Variants in TTC7B observed in about 807,000 individuals in gnomAD.
The protein encoded by TTC7B is tetratricopeptide repeat domain 7B.
In TTC7B, 28 loss-of-function variants were observed where a neutral mutation model predicts 106.8. The ratio of observed to expected loss-of-function variants is 0.26; its 90% CI spans 0.19 to 0.36. TTC7B has a LOEUF of 0.36. Among genes scored for constraint, TTC7B ranks in the 10% least tolerant of loss-of-function variants. The probability of loss-of-function intolerance (pLI) is 1.00; values close to 1 mark genes in which losing one functional copy is unlikely to be tolerated. For missense variants in TTC7B, 862 were observed against 1,076.4 expected (o/e 0.80, Z 2.79); for synonymous variants, 405 against 430.6 (o/e 0.94, Z 0.74).
chr14:90,710,966 A>C (rs892168627), intron 5 of TTC7B, among the ~76,000 whole-genome samples: 3 of 152,310 alleles, frequency 2.0e-5, no homozygotes, highest in Non-Finnish European at 2.9e-5. Flanking sequence ...AAAAACAACA[A>C]CACCTTGTCA....
At chr14:90,812,042 T>C (rs2140066755) in intron 1 of TTC7B, among the ~76,000 whole-genome samples, 1 of 151,756 alleles carries the variant, frequency 6.6e-6, no homozygotes, top group South Asian at 2.1e-4. Context: ...TTGCCCAGGG[T>C]CACAAGGGGT....
intron 8 of TTC7B, among the ~76,000 whole-genome samples, chr14:90,679,347 C>T (rs369090306): frequency 6.6e-6 from 1 of 152,218 alleles, no homozygotes; most frequent in African/African-American, 2.4e-5. Flanking sequence ...CTTCTCTCCG[C>T]GCATGTACGT....
chr14:90,555,430 T>C (rs996897329), intron 19 of TTC7B, among the ~76,000 whole-genome samples: 24 of 152,160 alleles, frequency 1.6e-4, no homozygotes, highest in African/African-American at 5.6e-4. Context: ...TTGATGGGGA[T>C]GTCTCCCTCT....
intron 1 of TTC7B, among the ~76,000 whole-genome samples, chr14:90,815,885 G>T (rs1215311679): frequency 1.3e-5 from 2 of 151,910 alleles, no homozygotes; most frequent in Non-Finnish European, 2.9e-5. Context: ...GTGGAGCAGC[G>T]GACTCGCTGA....
chr14:90,649,393 A>C (rs966910272), intron 13 of TTC7B, among the ~76,000 whole-genome samples: 1 of 152,164 alleles, frequency 6.6e-6, no homozygotes, highest in Non-Finnish European at 1.5e-5. Context: ...TTCAGCAGCT[A>C]AGCTTCCTGT....
At chr14:90,560,298 G>A (rs1890516852) in intron 19 of TTC7B, among the ~76,000 whole-genome samples, 1 of 152,246 alleles carries the variant, frequency 6.6e-6, no homozygotes, top group African/African-American at 2.4e-5. Flanking sequence ...GTCATTGTGG[G>A]TGGAGCCAGG....
chr14:90,746,958 T>G (rs1485693991), intron 3 of TTC7B, among the ~76,000 whole-genome samples: 1 of 152,228 alleles, frequency 6.6e-6, no homozygotes, highest in Non-Finnish European at 1.5e-5. Context: ...AAGGAAGGAC[T>G]GGCCCTTACC....
In TTC7B at chr14:90,540,341, T is replaced by C. The variant is rs573575062; in HGVS notation, c.*1027A>G. 1.3e-5 allele frequency: 2 copies of C among 152,262 alleles called. No individual in the cohort carries two copies. Among genetic ancestry groups the C allele is most frequent in the South Asian group, 4.1e-4 (2 of 4,820 alleles). 9.4% of individuals were successfully genotyped at this position (152,262 alleles called of 1,614,324 possible). On this transcript the variant is annotated 3_prime_UTR_variant, in exon 20 of 20. Transcript: ENST00000328459. ...TACTCAGGAGGCTGAGGTGGGAGGA[T>C]CACCTGAACCTGGGAAGTCGAGGCT...
chr14:90,680,435 CA>C (rs1372623665), intron 8 of TTC7B, 36 bp downstream of exon 8: 80 of 1,553,760 alleles, frequency 5.1e-5, no homozygotes, highest in Non-Finnish European at 6.8e-5. Flanking sequence ...TCTACAGGGC[CA>C]GGGGAAAGAA....
Position 90,541,275 on chromosome 14 carries a change from G to T in TTC7B, c.*93C>A. The T allele has an allele frequency of 1.6e-6, 2 of 1,228,794 alleles. No individual in the cohort carries two copies. Among genetic ancestry groups the T allele is most frequent in the Non-Finnish European group, 2.2e-6 (2 of 894,314 alleles). The allele number at this position is 1,228,794 out of a possible 1,614,324, so 76.1% of individuals were successfully genotyped here. A position where few individuals can be genotyped will look rare whatever the true frequency, so the allele number is the denominator to read the frequency against. On this transcript the variant is annotated 3_prime_UTR_variant, in exon 20 of 20. Coordinates refer to ENST00000328459, the MANE Select transcript of TTC7B (RefSeq NM_001010854.2). ...GAACACTCGTCCCTGGCCTCAGTGT[G>T]GCAGATTCATCCCCTTGGGGCGATG... is the stretch of plus-strand genomic sequence containing the variant.
intron 1 of TTC7B, among the ~76,000 whole-genome samples, chr14:90,809,784 A>G (rs1344038024): frequency 6.6e-6 from 1 of 152,188 alleles, no homozygotes; most frequent in Non-Finnish European, 1.5e-5. Flanking sequence ...GGCCCTCTAG[A>G]AGCTGACCAT....
chr14:90,595,974 A>T (rs776180328), intron 17 of TTC7B, among the ~76,000 whole-genome samples: 3 of 152,226 alleles, frequency 2.0e-5, no homozygotes, highest in Non-Finnish European at 4.4e-5. Context: ...ACAGAGTTCC[A>T]GGAAGATCTT....
chr14:90,762,659 G>T (rs1890539109), intron 3 of TTC7B, among the ~76,000 whole-genome samples: 1 of 152,168 alleles, frequency 6.6e-6, no homozygotes, highest in Admixed American at 6.5e-5. Flanking sequence ...TATCGGGTTT[G>T]CTCTATAATA....
chr14:90,816,010 C>T (rs750428071), intron 1 of TTC7B, among the ~76,000 whole-genome samples, 165 bp downstream of exon 1: 88 of 151,010 alleles, frequency 5.8e-4, no homozygotes, highest in Admixed American at 2.6e-3. Flanking sequence ...CCGGGGCACC[C>T]GGGCTCCCCC....
intron 3 of TTC7B, among the ~76,000 whole-genome samples, chr14:90,770,131 A>G (rs1169472094): frequency 1.3e-5 from 2 of 152,236 alleles, no homozygotes; most frequent in African/African-American, 4.8e-5. Context: ...CCTGGGCGAC[A>G]GAATGAGACT....
intron 5 of TTC7B, among the ~76,000 whole-genome samples, chr14:90,709,409 C>T (rs1319221406): frequency 6.6e-6 from 1 of 150,460 alleles, no homozygotes; most frequent in Non-Finnish European, 1.5e-5. Context: ...AGCTGGAAAC[C>T]ATCATTCTCA....
At chr14:90,642,274 T>C (rs1322502178) in intron 15 of TTC7B, among the ~76,000 whole-genome samples, 7 of 152,154 alleles carry the variant, frequency 4.6e-5, no homozygotes, top group African/African-American at 1.7e-4. Context: ...AAGAATTCTC[T>C]CGATGGGAAG....
chr14:90,775,275 T>C (rs1890990094), intron 3 of TTC7B, among the ~76,000 whole-genome samples: 1 of 152,198 alleles, frequency 6.6e-6, no homozygotes, highest in South Asian at 2.1e-4. Context: ...AACACATTTG[T>C]TGATCTGCCG....
chr14:90,674,777 A>C (rs1886761629), intron 9 of TTC7B, among the ~76,000 whole-genome samples: 1 of 152,230 alleles, frequency 6.6e-6, no homozygotes, highest in South Asian at 2.1e-4. Context: ...GAGATACAGT[A>C]ACAAATTTGC....
Sources: allele counts gnomAD v4.1 joint callset (sites outside exome capture counted in the v4.1 genomes callset), GRCh38; gene constraint gnomAD v4.1.1; transcripts MANE v1.5; gene names NCBI Gene and HGNC (gene_info 2026-07-23, HGNC 2026-07-21).